The following MAPRE2 variants were observed in gnomAD, a reference collection of about 807,000 sequenced individuals.
The protein encoded by MAPRE2 is microtubule-associated protein RP/EB family member 2.
In MAPRE2, 13 loss-of-function variants were observed where a neutral mutation model predicts 43.2. The observed-to-expected ratio is 0.30, with a 90% CI of 0.20 to 0.48. The LOEUF (loss-of-function observed/expected upper bound fraction) is 0.48, where lower values mean the gene tolerates loss of function less well. Among genes scored for constraint, MAPRE2 ranks in the 20% least tolerant of loss-of-function variants. The pLI is 0.99. For synonymous variants in MAPRE2, 135 were observed against 148.8 expected (o/e 0.91, Z 0.68); for missense variants, 161 against 400.2 (o/e 0.40, Z 5.10).
chr18:35,009,786 C>T (rs1261863206), intron 2 of MAPRE2, among the ~76,000 whole-genome samples: 1 of 152,180 alleles, frequency 6.6e-6, no homozygotes, highest in Non-Finnish European at 1.5e-5. Flanking sequence ...GTCTTTAAAA[C>T]AGCTGGAAGG....
At chr18:35,018,855 C>T (rs1286154256) in intron 2 of MAPRE2, among the ~76,000 whole-genome samples, 1 of 151,612 alleles carries the variant, frequency 6.6e-6, no homozygotes, top group Non-Finnish European at 1.5e-5. Flanking sequence ...TTTATATTCT[C>T]CTGCTAGCTT....
chr18:35,063,582 T>C (rs925051830), intron 1 of MAPRE2, among the ~76,000 whole-genome samples: 7 of 151,866 alleles, frequency 4.6e-5, no homozygotes, highest in African/African-American at 1.7e-4. Context: ...CCAGGCCAAA[T>C]GGGGTCTCCT....
intron 2 of MAPRE2, among the ~76,000 whole-genome samples, chr18:35,088,145 A>G (rs1907965772): frequency 6.6e-6 from 1 of 152,222 alleles, no homozygotes; most frequent in African/African-American, 2.4e-5. Flanking sequence ...CATAGCACCA[A>G]CATAAGAGTT....
chr18:35,139,624 C>CTT (rs1910536147), intron 6 of MAPRE2, among the ~76,000 whole-genome samples: 2 of 152,232 alleles, frequency 1.3e-5, no homozygotes, highest in African/African-American at 4.8e-5. Context: ...AGTCCTTGAG[C>CTT]TAAAGCTCCT....
intron 2 of MAPRE2, among the ~76,000 whole-genome samples, chr18:35,089,081 A>G (rs1908015981): frequency 6.6e-6 from 1 of 152,216 alleles, no homozygotes; most frequent in Non-Finnish European, 1.5e-5. Context: ...GGAATAACAT[A>G]TGCAGGAAGA....
intron 1 of MAPRE2, among the ~76,000 whole-genome samples, chr18:35,044,552 G>T (rs1286487890): frequency 1.3e-5 from 2 of 152,152 alleles, no homozygotes; most frequent in African/African-American, 4.8e-5. Flanking sequence ...TTCTACCTTT[G>T]CCTGTTGTAT....
At position 35,017,348 on chromosome 18, in the gene MAPRE2, G is replaced by A. The variant is rs567079659; in HGVS notation, c.-8+11795G>A. Among the ~76,000 whole-genome samples, 7 of 147,170 alleles carry A rather than the reference G, an allele frequency of 4.8e-5. No individual in the cohort carries two copies. The South Asian group carries it at 6.6e-4, about 14-fold the overall frequency. ...TTTTCTAGTTCTTTGAAAAAATGAT[G>A]TTGGTAGTTTGATAGGTATAGCATT... On this transcript the variant is annotated intron_variant, in intron 2 of 7. Transcript: ENST00000413393.
chr18:35,003,000 T>C (rs2097030107), intron 1 of MAPRE2, among the ~76,000 whole-genome samples: 1 of 152,112 alleles, frequency 6.6e-6, no homozygotes, highest in Non-Finnish European at 1.5e-5. Context: ...CTCCTGTTTT[T>C]TGTTTTTTCT....
chr18:35,038,493 T>C (rs547152516), upstream of MAPRE2, among the ~76,000 whole-genome samples: 2 of 152,336 alleles, frequency 1.3e-5, no homozygotes, highest in African/African-American at 4.8e-5. Flanking sequence ...CCCTTAGGTT[T>C]AGGCTTTGCC....
rs540119862 is a variant in MAPRE2 at position 35,034,347 on chromosome 18, C to T, written c.-8+28794C>T. On this transcript the variant is annotated intron_variant, in intron 2 of 7. Coordinates refer to the MAPRE2 transcript ENST00000413393. ...GCTGAAACTGGATCCCTTCCTTACA[C>T]CTTATACAAAAATTAATTCAAGATG... Among the ~76,000 whole-genome samples the T allele has an allele frequency of 3.9e-4, 59 of 152,298 alleles. 1 individual carries two copies. In the East Asian group the frequency reaches 0.011, roughly 28 times the overall value.
At position 34,979,569 on chromosome 18, in the gene MAPRE2, G is replaced by T. The variant is rs2078851035; in HGVS notation, c.-70+2490G>T. On this transcript the variant is annotated intron_variant, in intron 1 of 7. Transcript: ENST00000413393. ...CTAGACATCCTGTAACTTTCTTGGT[G>T]GGAAGCATGTAAAAAAAAAACTGTT... Among the ~76,000 whole-genome samples the T allele has an allele frequency of 2.0e-5, 3 of 151,818 alleles. No individual in the cohort carries two copies. The South Asian group carries it at 6.3e-4, about 32-fold the overall frequency.
chr18:34,983,854 T>G (rs2097017638), intron 1 of MAPRE2, among the ~76,000 whole-genome samples: 1 of 152,152 alleles, frequency 6.6e-6, no homozygotes, highest in Non-Finnish European at 1.5e-5. Flanking sequence ...GGTCTCAAAC[T>G]CCTGACTTCA....
chr18:35,034,975 C>A lies in MAPRE2; in HGVS notation c.-8+29422C>A, dbSNP rs1207623771. On this transcript the variant is annotated intron_variant, in intron 2 of 7. Coordinates refer to the MAPRE2 transcript ENST00000413393. ...GTGGTGATTCCTCAGGGATCTAGAA[C>A]TAGAAATACCATTTGACCCAGCCAT... is the stretch of plus-strand genomic sequence containing the variant. 1.1e-4 allele frequency among the ~76,000 whole-genome samples: 16 copies of A among 152,016 alleles called. No homozygotes were observed. In the East Asian group the frequency reaches 3.1e-3, roughly 29 times the overall value.
intron 2 of MAPRE2, among the ~76,000 whole-genome samples, chr18:35,087,429 T>G (rs926489617): frequency 2.6e-5 from 4 of 152,222 alleles, no homozygotes; most frequent in African/African-American, 9.6e-5. Context: ...TATGCTTAGC[T>G]TTTAAAGCTT....
intron 6 of MAPRE2, among the ~76,000 whole-genome samples, chr18:35,139,797 G>A (rs1910545255): frequency 6.6e-6 from 1 of 152,168 alleles, no homozygotes; most frequent in Non-Finnish European, 1.5e-5. Flanking sequence ...ACACTGCCGA[G>A]CAAGAAGAAT....
intron 1 of MAPRE2, chr18:34,984,547 C>T (rs1418869168): frequency 2.0e-5 from 3 of 151,538 alleles, no homozygotes; most frequent in Admixed American, 6.6e-5. Flanking sequence ...TAATCCCATC[C>T]TAACACCAGT....
At chr18:35,039,327 G>T (rs908406044), upstream of MAPRE2, among the ~76,000 whole-genome samples, 1 of 152,238 alleles carries the variant, frequency 6.6e-6, no homozygotes, top group African/African-American at 2.4e-5. Flanking sequence ...GGAAGCATGG[G>T]TCTTTGCAAG....
chr18:35,086,693 A>G (rs1202139381), intron 2 of MAPRE2, among the ~76,000 whole-genome samples: 2 of 152,106 alleles, frequency 1.3e-5, no homozygotes, highest in African/African-American at 2.4e-5. Flanking sequence ...AAAAAAAAAA[A>G]ATTGAAGTTC....
chr18:35,075,079 T>C (rs1907281715), intron 2 of MAPRE2, among the ~76,000 whole-genome samples: 1 of 152,244 alleles, frequency 6.6e-6, no homozygotes, highest in South Asian at 2.1e-4. Context: ...AAGTCACTGG[T>C]ATTTTGTTCT....
Sources: allele counts gnomAD v4.1 joint callset (sites outside exome capture counted in the v4.1 genomes callset), GRCh38; gene constraint gnomAD v4.1.1; transcripts MANE v1.5; gene names NCBI Gene and HGNC (gene_info 2026-07-23, HGNC 2026-07-21).